NDOR1: variants seen among roughly 807,000 people sequenced by gnomAD.
NDOR1 encodes NADPH-dependent diflavin oxidoreductase 1.
A neutral mutation model predicts 67.2 loss-of-function variants in NDOR1; 61 were observed. The observed-to-expected ratio is 0.91, with a 90% CI of 0.74 to 1.12. NDOR1 has a LOEUF of 1.12. Among genes scored for constraint, NDOR1 ranks in the 50% most tolerant of loss-of-function variants. The pLI is 0.00. For missense variants in NDOR1, 878 were observed against 802.8 expected, an observed-to-expected ratio of 1.09 and a Z score of -1.13; for synonymous variants, 378 against 343.7, an observed-to-expected ratio of 1.10 and a Z score of -1.10.
At chr9:137,210,821 T>G (rs974362898) in intron 2 of NDOR1, among the ~76,000 whole-genome samples, 1 of 151,942 alleles carries the variant, frequency 6.6e-6, no homozygotes, top group Non-Finnish European at 1.5e-5. Context: ...CATTCCAGCT[T>G]GGATGACAGA....
rs1196196433 is a variant in NDOR1 at position 137,213,967 on chromosome 9, G to T, written c.411G>T (p.Gly137=). Residue 137 remains glycine, a splice_region_variant and synonymous_variant, in exon 5 of 14, where the codon GGG becomes GGT. Coordinates refer to ENST00000684003, the MANE Select transcript of NDOR1 (RefSeq NM_014434.4). ...GGCCAGCGCACGTGCTCCCTCCCAGGCCCGACGCTGCTGTGGACCCCTGGC... is the reference window on the plus strand; with the variant it reads ...GGCCAGCGCACGTGCTCCCTCCCAGTCCCGACGCTGCTGTGGACCCCTGGC... ...VCLGDDQHEL[G]PDAAVDPWLR... is the part of the protein sequence containing the mutation. 1 of 1,561,400 alleles carries T rather than the reference G, an allele frequency of 6.4e-7. No homozygotes were observed. The highest frequency in any genetic ancestry group is 1.9e-5 in the Admixed American group (1 of 51,796).
At position 137,211,973 on chromosome 9, in the gene NDOR1, A is replaced by T. The variant is rs376910338; in HGVS notation, c.214-529A>T. 8.5e-5 allele frequency among the ~76,000 whole-genome samples: 13 copies of T among 152,112 alleles called. No homozygotes were observed. The East Asian group carries it at 2.3e-3, about 27-fold the overall frequency. ...TTGGCTCGAGGTCCTGCAGCCACGG[A>T]AGGAGGGGGATGTGTCTCAGCGACA... On this transcript the variant is annotated intron_variant, in intron 2 of 13. Coordinates refer to ENST00000684003, the MANE Select transcript of NDOR1 (RefSeq NM_014434.4).
chr9:137,208,837 C>T (rs1047593789), intron 2 of NDOR1, among the ~76,000 whole-genome samples: 3 of 149,756 alleles, frequency 2.0e-5, no homozygotes, highest in Non-Finnish European at 4.4e-5. Context: ...AAAAAAAAGA[C>T]GGGAGAAACT....
intron 2 of NDOR1, among the ~76,000 whole-genome samples, chr9:137,210,140 C>A (rs1005747174): frequency 6.6e-6 from 1 of 152,246 alleles, no homozygotes; most frequent in African/African-American, 2.4e-5. Context: ...GAGACGGGCA[C>A]AGGCTGAAGC....
chr9:137,218,192 G>A lies in NDOR1; in HGVS notation c.*1776G>A, dbSNP rs1384419281. The A allele has an allele frequency of 3.8e-5, 15 of 398,348 alleles. No homozygotes were observed. The highest frequency in any genetic ancestry group is 1.2e-4 in the African/African-American group (6 of 48,584). The allele number at this position is 398,348 out of a possible 1,614,324, so 24.7% of individuals were successfully genotyped here. A position where few individuals can be genotyped will look rare whatever the true frequency, so the allele number is the denominator to read the frequency against. On this transcript the variant is annotated 3_prime_UTR_variant, in exon 14 of 14. Transcript: ENST00000684003. ...GCTGCTGGGCTCGGCCTCCAGTGCC[G>A]ACCTGGGCCGGGTGCGCTGCCCGCT...
chr9:137,218,034 AG>A lies in NDOR1; in HGVS notation c.*1622del, dbSNP rs1235743417. 2.5e-6 allele frequency: 1 copy of A among 399,146 alleles called. No homozygotes were observed. The highest frequency in any genetic ancestry group is 4.4e-5 in the Admixed American group (1 of 22,718). 24.7% of individuals were successfully genotyped at this position (399,146 alleles called of 1,614,324 possible). ...TGGGCCCTTCCAACCTGGAAGGAGG[AG>A]GGGAGAGAGCAGGCAGCAGGGCAGG... On this transcript the variant is annotated 3_prime_UTR_variant, in exon 14 of 14. Coordinates refer to ENST00000684003, the MANE Select transcript of NDOR1 (RefSeq NM_014434.4).
rs767846125 is a variant in NDOR1, at chr9:137,214,412, A to G, written c.721A>G (p.Ser241Gly). Residue 241 changes from serine (S) to glycine (G), a missense_variant and splice_region_variant, in exon 6 of 14, where the codon AGC becomes GGC. Physicochemically the swap from Ser to Gly is moderately conservative, Grantham distance 56. Coordinates refer to ENST00000684003, the MANE Select transcript of NDOR1 (RefSeq NM_014434.4). ...IEFDILGSGI[S>G]FAAGDVVLIQ... Reference sequence around the variant, plus strand: ...GTTTGACATCTTGGGCTCTGGCATCAGGTGGGGACTGCTGGGGACCGAGGA... The same window carrying G: ...GTTTGACATCTTGGGCTCTGGCATCGGGTGGGGACTGCTGGGGACCGAGGA... 6.2e-7 allele frequency: 1 copy of G among 1,613,964 alleles called. No individual in the cohort carries two copies. Among genetic ancestry groups the G allele is most frequent in the Admixed American group, 1.7e-5 (1 of 59,998 alleles).
rs1413717683 is a variant in NDOR1, at chr9:137,213,849, G to T, written c.381G>T (p.Val127=). 1.2e-6 allele frequency: 2 copies of T among 1,611,372 alleles called. No individual in the cohort carries two copies. Among genetic ancestry groups the T allele is most frequent in the Non-Finnish European group, 1.7e-6 (2 of 1,179,252 alleles). ...LQLGGSALLP[V]CLGDDQHELG... ...TTGGGGGCAGCGCCCTCCTGCCCGT[G>T]TGCCTGGGCGATGACCAGCATGAGC... Residue 127 remains valine, a synonymous_variant, in exon 4 of 14, where the codon GTG becomes GTT. Coordinates refer to ENST00000684003, the MANE Select transcript of NDOR1 (RefSeq NM_014434.4).
chr9:137,208,767 T>C (rs943010924), intron 2 of NDOR1, among the ~76,000 whole-genome samples: 1 of 150,870 alleles, frequency 6.6e-6, no homozygotes, highest in African/African-American at 2.4e-5. Context: ...AAAGCTGCAG[T>C]GAGCTGTGAT....
Position 137,216,181 on chromosome 9 carries a change from C to T in NDOR1, c.1642C>T (p.Leu548=). The T allele has an allele frequency of 6.2e-7, 1 of 1,613,478 alleles. No homozygotes were observed. The highest frequency in any genetic ancestry group is 2.2e-5 in the East Asian group (1 of 44,888). Reference sequence around the variant, plus strand: ...GGACCGCCAGGGTGCATACTTCTACCTGGCAGGGTGAGCTGGCCTGCGTGC... The same window carrying T: ...GGACCGCCAGGGTGCATACTTCTACTTGGCAGGGTGAGCTGGCCTGCGTGC... ...LLDRQGAYFY[L]AGNAKSMPAD... Residue 548 remains leucine (L), a synonymous_variant, in exon 13 of 14, where the codon CTG becomes TTG. Coordinates refer to ENST00000684003, the MANE Select transcript of NDOR1 (RefSeq NM_014434.4).
In NDOR1 at chr9:137,214,632, TC is replaced by T. The variant is rs1452392075; in HGVS notation, c.786del (p.Cys263AlafsTer129). 6.2e-7 allele frequency: 1 copy of T among 1,609,468 alleles called. No individual in the cohort carries two copies. The highest frequency in any genetic ancestry group is 8.5e-7 in the Non-Finnish European group (1 of 1,179,930). ...AACTCGGCTGCCCATGTCCAGCGGT[TC>T]TGCCAGGTGCTGGGCCTGGACCCTG... ...PSNSAAHVQR[F>X]CQVLGLDPDQ... is the part of the protein sequence containing the mutation. On this transcript the variant is annotated frameshift_variant, in exon 7 of 14. Transcript: ENST00000684003. LOFTEE classifies it high-confidence loss of function.
rs951808736 is a variant in NDOR1 at position 137,218,036 on chromosome 9, G to A, written c.*1620G>A. 2.5e-6 allele frequency: 1 copy of A among 399,330 alleles called. No individual in the cohort carries two copies. The highest frequency in any genetic ancestry group is 2.1e-5 in the African/African-American group (1 of 48,630). The allele number at this position is 399,330 out of a possible 1,614,324, so 24.7% of individuals were successfully genotyped here. On this transcript the variant is annotated 3_prime_UTR_variant, in exon 14 of 14. Transcript: ENST00000684003. ...GGCCCTTCCAACCTGGAAGGAGGAG[G>A]GGAGAGAGCAGGCAGCAGGGCAGGG...
rs1014846818 is a variant in NDOR1, at chr9:137,217,240, T to C, written c.*824T>C. On this transcript the variant is annotated 3_prime_UTR_variant, in exon 14 of 14. Transcript: ENST00000684003. ...GCCCGAGTGGCCTCTGCAGCTCTTATGTCTGCCTCTAATGGGATGTGCGCC... is the reference window on the plus strand; with the variant it reads ...GCCCGAGTGGCCTCTGCAGCTCTTACGTCTGCCTCTAATGGGATGTGCGCC... Among the ~76,000 whole-genome samples the C allele has an allele frequency of 6.6e-6, 1 of 152,200 alleles. No homozygotes were observed. The highest frequency in any genetic ancestry group is 1.5e-5 in the Non-Finnish European group (1 of 68,030).
intron 2 of NDOR1, among the ~76,000 whole-genome samples, chr9:137,206,658 C>T (rs1834985780): frequency 6.6e-6 from 1 of 152,168 alleles, no homozygotes; most frequent in Admixed American, 6.5e-5. Context: ...ATTCTTGGCA[C>T]AGTCTGGTGC....
rs771966747 is a variant in NDOR1 at position 137,205,738 on chromosome 9, C to T, written c.-40C>T. On this transcript the variant is annotated 5_prime_UTR_variant, in exon 1 of 14. Coordinates refer to ENST00000684003, the MANE Select transcript of NDOR1 (RefSeq NM_014434.4). The stretch of plus-strand genomic sequence containing the variant: ...CAACCCGGCCGGCGGGAACTGCCTT[C>T]TAGTTTTTAGTCTCAGACCAGACCA... The T allele has an allele frequency of 8.1e-6, 13 of 1,599,306 alleles. No individual in the cohort carries two copies. In the East Asian group the frequency reaches 1.1e-4, roughly 14 times the overall value.
At chr9:137,209,228 G>T (rs902529732) in intron 2 of NDOR1, among the ~76,000 whole-genome samples, 1 of 152,176 alleles carries the variant, frequency 6.6e-6, no homozygotes, top group Non-Finnish European at 1.5e-5. Context: ...AGGAGAAAGA[G>T]GCTGAAGACT....
At chr9:137,214,457 G>T (rs768704351) in intron 6 of NDOR1, 44 bp downstream of exon 6, 1 of 1,545,070 alleles carries the variant, frequency 6.5e-7, no homozygotes, top group Non-Finnish European at 8.7e-7. Flanking sequence ...GAGGTGGGCC[G>T]TGGGTCTGGG....
Position 137,215,390 on chromosome 9 carries a change from C to G in NDOR1, c.1174-17C>G, listed in dbSNP as rs781003351. 1.9e-6 allele frequency: 3 copies of G among 1,590,684 alleles called. No homozygotes were observed. The Admixed American group carries it at 5.0e-5, about 27-fold the overall frequency. On this transcript the variant is annotated splice_polypyrimidine_tract_variant and intron_variant, in intron 9 of 13. Transcript: ENST00000684003. ...GGCAGCCTTGTTCCACCACCCCCAC[C>G]CCGCCGTCCTCCCCAGACTCACCCC...
chr9:137,210,190 C>A (rs1229085078), intron 2 of NDOR1, among the ~76,000 whole-genome samples: 6 of 152,172 alleles, frequency 3.9e-5, no homozygotes, highest in Non-Finnish European at 7.3e-5. Context: ...GCTGGAGACT[C>A]AGGAACAGGA....
Sources: allele counts gnomAD v4.1 joint callset (sites outside exome capture counted in the v4.1 genomes callset), GRCh38; gene constraint gnomAD v4.1.1; transcripts MANE v1.5; gene names NCBI Gene and HGNC (gene_info 2026-07-23, HGNC 2026-07-21).